The following COL5A3 variants were observed in gnomAD, a reference collection of about 807,000 sequenced individuals.
COL5A3 encodes the protein collagen type V alpha 3 chain.
A neutral mutation model predicts 250.0 loss-of-function variants in COL5A3; 172 were observed. The observed-to-expected ratio is 0.69, with a 90% CI of 0.61 to 0.78. The LOEUF (loss-of-function observed/expected upper bound fraction) is 0.78, where lower values mean the gene tolerates loss of function less well. Among genes scored for constraint, COL5A3 ranks in the 30% least tolerant of loss-of-function variants. COL5A3 has a pLI of 0.00. For synonymous variants in COL5A3, 937 were observed against 900.4 expected (o/e 1.04, Z -0.73); for missense variants, 2,340 against 2,334.4 (o/e 1.00, Z -0.05).
At position 9,993,046 on chromosome 19, in the gene COL5A3, G is replaced by A. The variant is rs761320806; in HGVS notation, c.1771C>T (p.Pro591Ser). ...GERGAEGPPG[P>S]TGQAGEPGPR... ...ACCGGCTCCCCAGCCTGGCCAGTGG[G>A]CCCTGGAGGTCCCTCTGCTCCCTGT... The change falls in exon 20 of 67, where the codon CCC becomes TCC. Residue 591 changes from proline to serine, a missense_variant. Transcript: ENST00000264828. 1.2e-6 allele frequency: 2 copies of A among 1,613,906 alleles called. No individual in the cohort carries two copies. Among genetic ancestry groups the A allele is most frequent in the Admixed American group, 1.7e-5 (1 of 59,972 alleles).
intron 1 of COL5A3, among the ~76,000 whole-genome samples, chr19:10,007,291 T>C (rs2087457365): frequency 1.3e-5 from 2 of 152,084 alleles, no homozygotes; most frequent in South Asian, 4.1e-4. Context: ...TATCCTGATC[T>C]CCTCCATCTG....
intron 41 of COL5A3, among the ~76,000 whole-genome samples, chr19:9,977,985 T>TATA (rs2086949247): frequency 2.3e-5 from 3 of 131,910 alleles, no homozygotes; most frequent in African/African-American, 5.5e-5. Context: ...TATATATATA[T>TATA]TTGTAGAGAC....
At chr19:10,005,172 C>T (rs181458434) in intron 4 of COL5A3, among the ~76,000 whole-genome samples, 16 of 152,222 alleles carry the variant, frequency 1.1e-4, no homozygotes, top group South Asian at 8.3e-4. Flanking sequence ...GCTTGGCCAA[C>T]GTGTCAAAAC....
Position 9,977,704 on chromosome 19 carries a change from G to A in COL5A3, c.3019-3C>T. 1.3e-6 allele frequency: 2 copies of A among 1,566,134 alleles called. No individual in the cohort carries two copies. Among genetic ancestry groups the A allele is most frequent in the South Asian group, 1.2e-5 (1 of 84,522 alleles). On this transcript the variant is annotated splice_polypyrimidine_tract_variant and splice_region_variant and intron_variant, in intron 41 of 66. Transcript: ENST00000264828. ...GGACCGCGCTCACCAGGGGAGCCCTGAGAACAGGGGTGATGAATCAGGTAT... is the reference window on the plus strand; with the variant it reads ...GGACCGCGCTCACCAGGGGAGCCCTAAGAACAGGGGTGATGAATCAGGTAT...
chr19:9,962,759 C>A (rs1375911373), intron 65 of COL5A3, 60 bp downstream of exon 65: 7 of 1,320,624 alleles, frequency 5.3e-6, no homozygotes, highest in African/African-American at 1.4e-5. Context: ...ACCCCTCAAA[C>A]CCCCCTGCTG....
At position 9,996,231 on chromosome 19, in the gene COL5A3, C is replaced by T. The variant is rs1272514919; in HGVS notation, c.1454G>A (p.Gly485Glu). 1 of 1,576,788 alleles carries T rather than the reference C, an allele frequency of 6.3e-7. No homozygotes were observed. The highest frequency in any genetic ancestry group is 2.2e-5 in the East Asian group (1 of 44,518). The change falls in exon 14 of 67, where the codon GGG becomes GAG. Residue 485 changes from glycine (G) to glutamate (E), a missense_variant. Around this residue, in one of 3 missense-constraint regions of COL5A3, gnomAD observed 1,152 missense variants for 1,146.3 expected, o/e 1.00. Coordinates refer to ENST00000264828, the MANE Select transcript of COL5A3 (RefSeq NM_015719.4). Reference sequence around the variant, plus strand: ...CACAGGGCCTGGGCGCCCAGTGAGCCCCACTGGACCAGGGGGGCCTTTCAT... The same window carrying T: ...CACAGGGCCTGGGCGCCCAGTGAGCTCCACTGGACCAGGGGGGCCTTTCAT... ...LSMKGPPGPV[G>E]LTGRPGPVGL...
rs1302686159 is a variant in COL5A3, at chr19:9,965,672, C to T, written c.4782+642G>A. ...TTCACCATGTTGGTCAGCCTTGTCT[C>T]GAACTCCTGACCTCAGGTGATCTGC... On this transcript the variant is annotated intron_variant, in intron 64 of 66. Transcript: ENST00000264828. Among the ~76,000 whole-genome samples, 3 of 148,814 alleles carry T rather than the reference C, an allele frequency of 2.0e-5. No homozygotes were observed. The East Asian group carries it at 6.1e-4, about 30-fold the overall frequency.
chr19:10,006,250 G>T lies in COL5A3; in HGVS notation c.89-19C>A. 6.3e-7 allele frequency: 1 copy of T among 1,575,484 alleles called. No homozygotes were observed. The highest frequency in any genetic ancestry group is 8.6e-7 in the Non-Finnish European group (1 of 1,161,022). ...ACAGGATCTGCAGCAGAGAGAAGCC[G>T]GGGGTGTCAGGCAGAGGTGGGGAAC... On this transcript the variant is annotated intron_variant, in intron 1 of 66. Transcript: ENST00000264828.
At chr19:9,981,003 C>T (rs1282330942) in intron 33 of COL5A3, 85 bp downstream of exon 33, 1 of 1,533,754 alleles carries the variant, frequency 6.5e-7, no homozygotes, top group Admixed American at 1.7e-5. Context: ...CCTTTCCCTG[C>T]CCACAGATGA....
chr19:9,968,029 C>G lies in COL5A3; in HGVS notation c.4365G>C (p.Val1455=). 1 of 1,591,958 alleles carries G rather than the reference C, an allele frequency of 6.3e-7. No homozygotes were observed. The highest frequency in any genetic ancestry group is 2.2e-5 in the East Asian group (1 of 44,678). Residue 1455 remains valine, a synonymous_variant, in exon 60 of 67, where the codon GTG becomes GTC. Transcript: ENST00000264828. The surrounding 1 kb of genome is among the most constrained non-coding windows in gnomAD (Gnocchi z 4.1). Reference sequence around the variant, plus strand: ...AAAAGATTCCCTGCATACTCACCGCCACACCTGGGGGCCCAGGGTGGCCCA... The same window carrying G: ...AAAAGATTCCCTGCATACTCACCGCGACACCTGGGGGCCCAGGGTGGCCCA... ...GSLGHPGPPG[V]AGPLGQKGSK...
chr19:9,986,766 A>G lies in COL5A3; in HGVS notation c.2146-8T>C, dbSNP rs1568421135. The G allele has an allele frequency of 2.5e-6, 4 of 1,580,106 alleles. No individual in the cohort carries two copies. The South Asian group carries it at 3.3e-5, about 13-fold the overall frequency. On this transcript the variant is annotated splice_region_variant and splice_polypyrimidine_tract_variant and intron_variant, in intron 27 of 66. Coordinates refer to ENST00000264828, the MANE Select transcript of COL5A3 (RefSeq NM_015719.4). ...CCGGTTGCCTGAAGTGCCCTGGAAA[A>G]TAAAAAAAAAAAGCTCTCAAGCCTC...
chr19:9,967,400 C>T lies in COL5A3; in HGVS notation c.4405G>A (p.Gly1469Arg). Residue 1469 changes from glycine (G) to arginine (R), a missense_variant and splice_region_variant, in exon 62 of 67, where the codon GGG becomes AGG. Gly to Arg is a moderately radical substitution (Grantham distance 125). Transcript: ENST00000264828. ...GTGTCTCCACGGGGGCCCATGGACC[C>T]CTGTAGGGAGAAGTCACTTGGAGAA... ...LGQKGSKGSP[G>R]SMGPRGDTGP... The T allele has an allele frequency of 6.7e-7, 1 of 1,497,952 alleles. No individual in the cohort carries two copies. Among genetic ancestry groups the T allele is most frequent in the South Asian group, 1.4e-5 (1 of 71,760 alleles). The allele number at this position is 1,497,952 out of a possible 1,614,324, so 92.8% of individuals were successfully genotyped here.
At chr19:9,961,843 C>T (rs1384091135) in intron 65 of COL5A3, among the ~76,000 whole-genome samples, 3 of 151,926 alleles carry the variant, frequency 2.0e-5, no homozygotes, top group African/African-American at 4.8e-5. Flanking sequence ...CAGGCGTGAG[C>T]CACTGTGCCT....
At chr19:9,997,629 T>C (rs2087292040) in intron 10 of COL5A3, among the ~76,000 whole-genome samples, 196 bp from the exon 11 acceptor site, 1 of 151,964 alleles carries the variant, frequency 6.6e-6, no homozygotes, top group Non-Finnish European at 1.5e-5. Flanking sequence ...TTAGAGACGG[T>C]CTCACTCTGT....
chr19:9,973,822 C>T lies in COL5A3; in HGVS notation c.3559-13G>A, dbSNP rs2086885448. On this transcript the variant is annotated splice_polypyrimidine_tract_variant and intron_variant, in intron 48 of 66. Coordinates refer to ENST00000264828, the MANE Select transcript of COL5A3 (RefSeq NM_015719.4). ...GCCCTGGAGTGCCCTGGAGAGACAG[C>T]AAGGGGTAAGAGTGGGACTGTGGAA... 6.2e-7 allele frequency: 1 copy of T among 1,613,910 alleles called. No homozygotes were observed. Among genetic ancestry groups the T allele is most frequent in the Non-Finnish European group, 8.5e-7 (1 of 1,179,958 alleles).
At chr19:9,973,420 A>T in intron 50 of COL5A3, 150 bp downstream of exon 50, 1 of 763,888 alleles carries the variant, frequency 1.3e-6, no homozygotes, top group Non-Finnish European at 2.1e-6. Flanking sequence ...GAGAACTTCC[A>T]GGTGTCCTTC....
At chr19:9,996,769 A>T (rs1386907038) in intron 11 of COL5A3, 80 bp from the exon 12 acceptor site, 1 of 1,080,732 alleles carries the variant, frequency 9.3e-7, no homozygotes. Flanking sequence ...GCACAGAAGG[A>T]TGAGTCAGAA....
chr19:9,979,641 T>G (rs1016728338), intron 37 of COL5A3, among the ~76,000 whole-genome samples, 198 bp downstream of exon 37: 1 of 151,818 alleles, frequency 6.6e-6, no homozygotes, highest in Non-Finnish European at 1.5e-5. Flanking sequence ...AATACAAAAA[T>G]TAGCCGGGCG....
At chr19:9,978,708 TC>T in intron 40 of COL5A3, 81 bp from the exon 41 acceptor site, 1 of 1,021,288 alleles carries the variant, frequency 9.8e-7, no homozygotes, top group Non-Finnish European at 1.4e-6. Context: ...GAGCTCACAG[TC>T]CCCACCTCTC....
Sources: gnomAD v4.1 joint callset for allele counts (sites outside exome capture counted in the v4.1 genomes callset) on GRCh38, gnomAD v4.1.1 for gene constraint, gnomAD v4.1.1 regional missense constraint, Gnocchi (gnomAD v3.1) non-coding constraint, MANE v1.5 for transcripts, NCBI Gene and HGNC (gene_info 2026-07-23, HGNC 2026-07-21) for gene names.